The following PITPNM1 variants were observed in gnomAD, a reference collection of about 807,000 sequenced individuals.
PITPNM1 encodes the protein membrane-associated phosphatidylinositol transfer protein 1.
A neutral mutation model predicts 133.3 loss-of-function variants in PITPNM1; 74 were observed. The ratio of observed to expected loss-of-function variants is 0.56; its 90% CI spans 0.46 to 0.67. The LOEUF (loss-of-function observed/expected upper bound fraction) is 0.67, where lower values mean the gene tolerates loss of function less well. Among genes scored for constraint, PITPNM1 ranks in the 30% least tolerant of loss-of-function variants. The pLI is 0.00. For synonymous variants in PITPNM1, 738 were observed against 741.4 expected, an observed-to-expected ratio of 1.00 and a Z score of 0.08; for missense variants, 1,398 against 1,739.5, an observed-to-expected ratio of 0.80 and a Z score of 3.49.
rs1866268004 is a variant in PITPNM1, at chr11:67,499,900, GC to G, written c.1063+13del. 1 of 1,607,294 alleles carries G rather than the reference GC, an allele frequency of 6.2e-7. No individual in the cohort carries two copies. The highest frequency in any genetic ancestry group is 1.3e-5 in the African/African-American group (1 of 74,890). ...GGGGACATCCCCACTCCCAAAAAGG[GC>G]CTCAGTGCTGACCGTGGGCATCAAA... On this transcript the variant is annotated intron_variant, in intron 7 of 23. Transcript: ENST00000356404.
In PITPNM1 at chr11:67,493,044, C is replaced by T. The variant is rs1435843527; in HGVS notation, c.3361G>A (p.Ala1121Thr). The change falls in exon 23 of 24, where the codon GCC (alanine) becomes ACC (threonine). Residue 1121 changes from alanine (A) to threonine (T), a missense_variant. By Grantham distance (58) the Ala-to-Thr change is moderately conservative (BLOSUM62 0). This residue lies in a region of PITPNM1 where 233 missense variants were observed against 378.0 expected (regional missense o/e 0.62). Coordinates refer to ENST00000356404, the MANE Select transcript of PITPNM1 (RefSeq NM_004910.3). ...ACATCTTTGGGAGACCCATAACCGGCCACGATGTTCAGTTCTACCTGTGGC... is the reference window on the plus strand; with the variant it reads ...ACATCTTTGGGAGACCCATAACCGGTCACGATGTTCAGTTCTACCTGTGGC... ...LVQEVELNIV[A>T]GYGSPKDVAV... is the part of the protein sequence containing the mutation. The T allele has an allele frequency of 1.9e-6, 3 of 1,612,906 alleles. No individual in the cohort carries two copies. The Admixed American group carries it at 5.0e-5, about 27-fold the overall frequency.
rs1455967519 is a variant in PITPNM1 at position 67,504,176 on chromosome 11, A to G, written c.5T>C (p.Leu2Pro). The change falls in exon 2 of 24, where the codon CTC becomes CCC. Residue 2 changes from leucine (L) to proline (P), a missense_variant. This residue lies in a region of PITPNM1 where 274 missense variants were observed against 360.7 expected (regional missense o/e 0.76). Coordinates refer to ENST00000356404, the MANE Select transcript of PITPNM1 (RefSeq NM_004910.3). This position sits in a 1 kb window ranked among gnomAD's most constrained non-coding sequence, Gnocchi z 5.4. ...CAGCAGAATGTGGTATTCCTTGATG[A>G]GCATCCTGAAGGCGCTCGGCGGGCC... M[L>P]IKEYHILLPM... 6.2e-7 allele frequency: 1 copy of G among 1,603,610 alleles called. No homozygotes were observed. The highest frequency in any genetic ancestry group is 1.7e-5 in the Admixed American group (1 of 59,058).
At chr11:67,492,588 C>G (rs2134264712) in intron 23 of PITPNM1, among the ~76,000 whole-genome samples, 1 of 152,396 alleles carries the variant, frequency 6.6e-6, no homozygotes, top group Non-Finnish European at 1.5e-5. Flanking sequence ...GTGCCCAGCC[C>G]TGTGCCTGTT....
chr11:67,496,750 CA>C (rs1486086200), intron 14 of PITPNM1: 1 of 203,978 alleles, frequency 4.9e-6, no homozygotes, highest in East Asian at 1.3e-4. Context: ...GCCTGGCCAA[CA>C]TGGCAAAACC....
Position 67,491,931 on chromosome 11 carries a change from C to T in PITPNM1, c.*102G>A. Reference sequence around the variant, plus strand: ...ATATAGGGTGTGGGGCTGGGGGGGCCAGCGCTGGGGCCAAAAGTCTGGGTC... The same window carrying T: ...ATATAGGGTGTGGGGCTGGGGGGGCTAGCGCTGGGGCCAAAAGTCTGGGTC... On this transcript the variant is annotated 3_prime_UTR_variant, in exon 24 of 24. Coordinates refer to ENST00000356404, the MANE Select transcript of PITPNM1 (RefSeq NM_004910.3). 1 of 1,337,906 alleles carries T rather than the reference C, an allele frequency of 7.5e-7. No homozygotes were observed. The highest frequency in any genetic ancestry group is 1.4e-5 in the South Asian group (1 of 73,418). 82.9% of individuals were successfully genotyped at this position (1,337,906 alleles called of 1,614,324 possible). A position where few individuals can be genotyped will look rare whatever the true frequency, so the allele number is the denominator to read the frequency against.
At chr11:67,501,814 G>A (rs2134323653) in intron 5 of PITPNM1, 48 bp downstream of exon 5, 1 of 1,522,508 alleles carries the variant, frequency 6.6e-7, no homozygotes, top group Non-Finnish European at 9.0e-7. Context: ...TAAACATGGG[G>A]TCTGGGGCAT....
intron 14 of PITPNM1, chr11:67,496,607 C>G (rs1175857599): frequency 1.0e-5 from 5 of 479,140 alleles, no homozygotes; most frequent in Non-Finnish European, 1.5e-5. Context: ...CGAGACCAGT[C>G]TGGCCAACAT....
Position 67,499,795 on chromosome 11 carries a change from C to A in PITPNM1, c.1099G>T (p.Glu367Ter). Residue 367 changes from glutamate to a stop codon, truncating the protein, a stop_gained, in exon 8 of 24, where the codon GAG becomes TAG. Transcript: ENST00000356404. LOFTEE classifies it high-confidence loss of function. Reference sequence around the variant, plus strand: ...TCATTGGAGTTCCACTTGGTCATCTCCTTGGGGAAGACCTCCTCACTGTCC... The same window carrying A: ...TCATTGGAGTTCCACTTGGTCATCTACTTGGGGAAGACCTCCTCACTGTCC... ...FSDSEEVFPK[E>*]MTKWNSNDFI... The A allele has an allele frequency of 6.5e-7, 1 of 1,549,992 alleles. No homozygotes were observed. Among genetic ancestry groups the A allele is most frequent in the Non-Finnish European group, 8.8e-7 (1 of 1,142,550 alleles).
chr11:67,494,795 A>C, intron 18 of PITPNM1, 51 bp downstream of exon 18: 1 of 1,307,866 alleles, frequency 7.6e-7, no homozygotes, highest in Non-Finnish European at 1.1e-6. Context: ...CTCTCTGGTG[A>C]GTGGGCGAGA....
Position 67,499,815 on chromosome 11 carries a change from C to G in PITPNM1, c.1079G>C (p.Ser360Thr), listed in dbSNP as rs759231591. 2 of 1,567,370 alleles carry G rather than the reference C, an allele frequency of 1.3e-6. No individual in the cohort carries two copies. Among genetic ancestry groups the G allele is most frequent in the East Asian group, 4.6e-5 (2 of 43,866 alleles). The change falls in exon 8 of 24, where the codon AGT becomes ACT. Residue 360 changes from serine (S) to threonine (T), a missense_variant. Ser to Thr is a moderately conservative substitution (Grantham distance 58). Around this residue, in one of 5 missense-constraint regions of PITPNM1, gnomAD observed 195 missense variants for 178.8 expected, o/e 1.09. Coordinates refer to ENST00000356404, the MANE Select transcript of PITPNM1 (RefSeq NM_004910.3). ...FFDAHEGFSD[S>T]EEVFPKEMTK... ...CATCTCCTTGGGGAAGACCTCCTCA[C>G]TGTCCGAGAAGCCTTCTGAGGGGAC...
At chr11:67,503,289 G>A (rs1383978969) in intron 2 of PITPNM1, among the ~76,000 whole-genome samples, 1 of 152,202 alleles carries the variant, frequency 6.6e-6, no homozygotes, top group Non-Finnish European at 1.5e-5. Flanking sequence ...CAGCCCCAAG[G>A]TGGGAGCATA....
chr11:67,494,214 G>C, intron 19 of PITPNM1, 30 bp downstream of exon 19: 1 of 1,595,198 alleles, frequency 6.3e-7, no homozygotes, highest in Non-Finnish European at 8.6e-7. Flanking sequence ...GGGGCCATGG[G>C]ACCAGGCGAC....
In PITPNM1 at chr11:67,491,802, TAC is replaced by T. The variant is rs1324376359; in HGVS notation, c.*229_*230del. On this transcript the variant is annotated 3_prime_UTR_variant, in exon 24 of 24. Transcript: ENST00000356404. ...GGTGGCGTTTATTTTCATGGATTTA[TAC>T]ACACTGGAAAAGCCTCTGCGCCCAT... 1 of 570,360 alleles carries T rather than the reference TAC, an allele frequency of 1.8e-6. No homozygotes were observed. Among genetic ancestry groups the T allele is most frequent in the East Asian group, 2.9e-5 (1 of 33,930 alleles). The allele number at this position is 570,360 out of a possible 1,614,324, so 35.3% of individuals were successfully genotyped here. A position where few individuals can be genotyped will look rare whatever the true frequency, so the allele number is the denominator to read the frequency against.
chr11:67,501,457 C>T (rs1170441080), intron 5 of PITPNM1, among the ~76,000 whole-genome samples: 2 of 152,182 alleles, frequency 1.3e-5, no homozygotes, highest in Non-Finnish European at 2.9e-5. Flanking sequence ...GGCTGGAACA[C>T]TAGAAACTGG....
chr11:67,502,711 C>A lies in PITPNM1; in HGVS notation c.86G>T (p.Ser29Ile), dbSNP rs1201345972. ...GCCCTCACCACTAGACTCCTCCCGG[C>A]TCTTTTTCTGTGGCCCAAGGGAGAG... ...VAQLYMIQKK[S>I]REESSGEGSG... is the part of the protein sequence containing the mutation. The change falls in exon 3 of 24, where the codon AGC becomes ATC. Residue 29 changes from serine (S) to isoleucine (I), a missense_variant. Physicochemically the swap from Ser to Ile is moderately radical, Grantham distance 142. Transcript: ENST00000356404. The surrounding 1 kb of genome is among the most constrained non-coding windows in gnomAD (Gnocchi z 5.9). 1 of 1,612,366 alleles carries A rather than the reference C, an allele frequency of 6.2e-7. No individual in the cohort carries two copies. The highest frequency in any genetic ancestry group is 1.7e-5 in the Admixed American group (1 of 60,016).
rs1455550615 is a variant in PITPNM1, at chr11:67,504,055, G to A, written c.78+48C>T. On this transcript the variant is annotated intron_variant, in intron 2 of 23. Transcript: ENST00000356404. This position sits in a 1 kb window ranked among gnomAD's most constrained non-coding sequence, Gnocchi z 5.4. The stretch of plus-strand genomic sequence containing the variant: ...GCCCCGGGGCAGGGCTGGCGGGGTC[G>A]GCAGGGCTCCACCCCTTGCCCGGGT... 2.7e-6 allele frequency: 4 copies of A among 1,460,922 alleles called. No individual in the cohort carries two copies. Among genetic ancestry groups the A allele is most frequent in the Admixed American group, 4.2e-5 (2 of 47,126 alleles). The allele number at this position is 1,460,922 out of a possible 1,614,324, so 90.5% of individuals were successfully genotyped here. A position where few individuals can be genotyped will look rare whatever the true frequency, so the allele number is the denominator to read the frequency against.
At chr11:67,499,310 A>G (rs903258403) in intron 8 of PITPNM1, among the ~76,000 whole-genome samples, 5 of 152,050 alleles carry the variant, frequency 3.3e-5, no homozygotes, top group African/African-American at 1.2e-4. Context: ...GAATTAAAAT[A>G]TAATACATAA....
chr11:67,493,185 C>A, intron 22 of PITPNM1, 123 bp from the exon 23 acceptor site: 1 of 1,269,028 alleles, frequency 7.9e-7, no homozygotes. Flanking sequence ...GAAGACAGGT[C>A]CCAGTCCCAC....
Position 67,499,771 on chromosome 11 carries a change from C to G in PITPNM1, c.1123G>C (p.Asp375His). 6.6e-7 allele frequency: 1 copy of G among 1,526,148 alleles called. No homozygotes were observed. Among genetic ancestry groups the G allele is most frequent in the Non-Finnish European group, 8.8e-7 (1 of 1,133,270 alleles). The allele number at this position is 1,526,148 out of a possible 1,614,324, so 94.5% of individuals were successfully genotyped here. Reference sequence around the variant, plus strand: ...GGGGAGGCAAAGGCATCAATGAAGTCATTGGAGTTCCACTTGGTCATCTCC... The same window carrying G: ...GGGGAGGCAAAGGCATCAATGAAGTGATTGGAGTTCCACTTGGTCATCTCC... Reference protein sequence around the residue: ...PKEMTKWNSNDFIDAFASPVE... With the variant: ...PKEMTKWNSNHFIDAFASPVE... Residue 375 changes from aspartate to histidine, a missense_variant, in exon 8 of 24, where the codon GAC becomes CAC. Transcript: ENST00000356404.
Sources: gnomAD v4.1 joint callset for allele counts (sites outside exome capture counted in the v4.1 genomes callset) on GRCh38, gnomAD v4.1.1 for gene constraint, gnomAD v4.1.1 regional missense constraint, Gnocchi (gnomAD v3.1) non-coding constraint, MANE v1.5 for transcripts, NCBI Gene and HGNC (gene_info 2026-07-23, HGNC 2026-07-21) for gene names.